SBF2: variants seen among roughly 807,000 people sequenced by gnomAD.
SBF2 encodes the protein SET binding factor 2.
Under a neutral mutation model 225.2 loss-of-function variants are expected in SBF2, and 112 were observed. The ratio of observed to expected loss-of-function variants is 0.50; its 90% CI spans 0.43 to 0.58. The LOEUF is 0.58. SBF2 is among the 20% of genes least tolerant of loss of function. The probability of loss-of-function intolerance (pLI) is 0.00; values close to 1 mark genes in which losing one functional copy is unlikely to be tolerated. For missense variants in SBF2, 1,996 were observed against 2,206.2 expected, an observed-to-expected ratio of 0.90 and a Z score of 1.91; for synonymous variants, 763 against 773.3, an observed-to-expected ratio of 0.99 and a Z score of 0.22.
chr11:10,034,705 T>C (rs913348536), intron 3 of SBF2, among the ~76,000 whole-genome samples: 9 of 152,220 alleles, frequency 5.9e-5, no homozygotes, highest in Admixed American at 5.9e-4. Flanking sequence ...TAAAAAATTT[T>C]CAGTCCTAAA....
In SBF2 at chr11:9,839,435, TTAAAGATTCAAA is replaced by T. The variant is rs1855951446; in HGVS notation, c.3455+51_3455+62del. On this transcript the variant is annotated intron_variant, in intron 26 of 39. Coordinates refer to ENST00000256190, the MANE Select transcript of SBF2 (RefSeq NM_030962.4). ...CAGGGCTATGGATGCAAATGGCCTA[TTAAAGATTCAAA>T]TAAGAAGAAAGGAAGGAAGACCTCT... is the stretch of plus-strand genomic sequence containing the variant. 7 of 1,505,710 alleles carry T rather than the reference TTAAAGATTCAAA, an allele frequency of 4.6e-6. No homozygotes were observed. The East Asian group carries it at 6.8e-5, about 15-fold the overall frequency. 93.3% of individuals were successfully genotyped at this position (1,505,710 alleles called of 1,614,324 possible).
At chr11:10,189,838 A>G (rs1156422192) in intron 2 of SBF2, among the ~76,000 whole-genome samples, 1 of 152,142 alleles carries the variant, frequency 6.6e-6, no homozygotes, top group East Asian at 1.9e-4. Context: ...ATTCACTCCT[A>G]AAACAGGGCA....
At chr11:9,799,316 G>C (rs1184400107) in intron 32 of SBF2, among the ~76,000 whole-genome samples, 1 of 152,142 alleles carries the variant, frequency 6.6e-6, no homozygotes. Context: ...AAGGCCTCTT[G>C]TACCCACTCC....
chr11:10,162,365 G>A (rs1341396040), intron 2 of SBF2, among the ~76,000 whole-genome samples: 2 of 152,108 alleles, frequency 1.3e-5, no homozygotes, highest in Non-Finnish European at 2.9e-5. Context: ...AATTGAGAAT[G>A]ACAAATATAA....
chr11:9,814,036 T>C (rs894377538), intron 29 of SBF2, among the ~76,000 whole-genome samples: 2 of 152,238 alleles, frequency 1.3e-5, no homozygotes, highest in African/African-American at 2.4e-5. Flanking sequence ...TCAACCTATA[T>C]TTATTTGAGT....
intron 16 of SBF2, among the ~76,000 whole-genome samples, chr11:9,920,730 CA>C (rs1039840926): frequency 6.6e-6 from 1 of 152,148 alleles, no homozygotes; most frequent in African/African-American, 2.4e-5. Flanking sequence ...TTTCCCGAAA[CA>C]AAAGTGAGTG....
At chr11:10,296,837 T>A (rs1565450515), upstream of SBF2, among the ~76,000 whole-genome samples, 1 of 152,210 alleles carries the variant, frequency 6.6e-6, no homozygotes, top group Non-Finnish European at 1.5e-5. Context: ...GCACTAGGGT[T>A]CTGATTTCTC....
intron 13 of SBF2, among the ~76,000 whole-genome samples, chr11:9,985,934 T>C (rs962402893): frequency 2.0e-5 from 3 of 152,168 alleles, no homozygotes; most frequent in Non-Finnish European, 1.5e-5. Flanking sequence ...ACAAATGGAC[T>C]TAATGGATAT....
chr11:9,965,202 C>A (rs982161581), intron 14 of SBF2, among the ~76,000 whole-genome samples: 1 of 152,200 alleles, frequency 6.6e-6, no homozygotes, highest in Non-Finnish European at 1.5e-5. Context: ...TTCACCTTCT[C>A]CCATACCTAA....
At chr11:10,130,822 T>C (rs554671177) in intron 2 of SBF2, among the ~76,000 whole-genome samples, 1 of 152,286 alleles carries the variant, frequency 6.6e-6, no homozygotes, top group Admixed American at 6.5e-5. Context: ...TTTTTTCACT[T>C]ACATAATGCT....
intron 16 of SBF2, among the ~76,000 whole-genome samples, chr11:9,924,204 C>T (rs940092656): frequency 5.9e-5 from 9 of 152,080 alleles, no homozygotes; most frequent in South Asian, 2.1e-4. Flanking sequence ...GATATGCATT[C>T]GGTAGGGACT....
At chr11:10,168,521 A>C (rs950208142) in intron 2 of SBF2, among the ~76,000 whole-genome samples, 5 of 152,224 alleles carry the variant, frequency 3.3e-5, no homozygotes, top group Admixed American at 2.0e-4. Flanking sequence ...CACCAATAGG[A>C]AACAGGCTGC....
At chr11:9,935,378 C>T (rs1864817993) in intron 16 of SBF2, among the ~76,000 whole-genome samples, 1 of 152,078 alleles carries the variant, frequency 6.6e-6, no homozygotes, top group East Asian at 1.9e-4. Flanking sequence ...GGCCATACTG[C>T]CCAAGGTAAT....
At chr11:9,795,592 G>T in intron 33 of SBF2, among the ~76,000 whole-genome samples, 1 of 152,150 alleles carries the variant, frequency 6.6e-6, no homozygotes, top group African/African-American at 2.4e-5. Flanking sequence ...TCACTTTGAG[G>T]TATCAAAATA....
chr11:10,152,801 A>T (rs1309865564), intron 2 of SBF2, among the ~76,000 whole-genome samples: 2 of 152,228 alleles, frequency 1.3e-5, no homozygotes, highest in Admixed American at 6.5e-5. Context: ...AATGTTCCAC[A>T]TGTGCTGCAG....
chr11:9,964,142 G>A (rs533811665), intron 14 of SBF2, among the ~76,000 whole-genome samples: 30 of 152,274 alleles, frequency 2.0e-4, no homozygotes, highest in East Asian at 7.7e-4. Context: ...CCAGTGACTC[G>A]GGAGGCTGAG....
At chr11:10,280,763 G>T (rs1456133652) in intron 1 of SBF2, among the ~76,000 whole-genome samples, 1 of 150,244 alleles carries the variant, frequency 6.7e-6, no homozygotes, top group Non-Finnish European at 1.5e-5. Flanking sequence ...TGCAGTATGG[G>T]CATGAGAAAA....
At chr11:10,123,761 G>A (rs1218483667) in intron 2 of SBF2, among the ~76,000 whole-genome samples, 1 of 151,732 alleles carries the variant, frequency 6.6e-6, no homozygotes, top group African/African-American at 2.4e-5. Flanking sequence ...TCAGACCTAG[G>A]TATAAACATA....
chr11:10,050,232 T>C (rs1024393484), intron 2 of SBF2, among the ~76,000 whole-genome samples: 7 of 152,204 alleles, frequency 4.6e-5, no homozygotes, highest in African/African-American at 1.7e-4. Context: ...ATTTTAGTTC[T>C]AATTCTACCA....
Sources: gnomAD v4.1 joint callset for allele counts (sites outside exome capture counted in the v4.1 genomes callset) on GRCh38, gnomAD v4.1.1 for gene constraint, MANE v1.5 for transcripts, NCBI Gene and HGNC (gene_info 2026-07-23, HGNC 2026-07-21) for gene names.